The following WWOX variants were observed in gnomAD, a reference collection of about 807,000 sequenced individuals.
WWOX encodes the protein WW domain-containing oxidoreductase.
A neutral mutation model predicts 46.2 loss-of-function variants in WWOX; 69 were observed. The ratio of observed to expected loss-of-function variants is 1.49; its 90% CI spans 1.23 to 1.82. The LOEUF is 1.82. Ranked by LOEUF, WWOX falls within the 40% of genes most tolerant of loss-of-function variation. The pLI is 0.00. For missense variants in WWOX, 919 were observed against 542.6 expected, an observed-to-expected ratio of 1.69 and a Z score of -6.89; for synonymous variants, 359 against 202.6, an observed-to-expected ratio of 1.77 and a Z score of -6.56.
intron 8 of WWOX, among the ~76,000 whole-genome samples, chr16:78,791,697 A>T (rs1347918158): frequency 6.6e-6 from 1 of 152,024 alleles, no homozygotes; most frequent in African/African-American, 2.4e-5. Context: ...GGCCAACATG[A>T]TGAAACCCCG....
chr16:79,018,507 G>A lies in WWOX; in HGVS notation c.1057-193101G>A, dbSNP rs191689445. On this transcript the variant is annotated intron_variant, in intron 8 of 8. Transcript: ENST00000566780. ...TGTCTACACAGACCCAAGAGGAGAA[G>A]GGATTTGACAATGGTCTGATTAATT... Among the ~76,000 whole-genome samples the A allele has an allele frequency of 4.3e-3, 661 of 152,268 alleles. 3 individuals carry two copies. The highest frequency in any genetic ancestry group is 0.016 in the African/African-American group (647 of 41,568).
At chr16:78,876,511 C>T (rs2044237312) in intron 8 of WWOX, among the ~76,000 whole-genome samples, 1 of 150,648 alleles carries the variant, frequency 6.6e-6, no homozygotes. Context: ...GTAAGATCTG[C>T]TGTCTTGTGA....
At position 78,164,273 on chromosome 16, in the gene WWOX, G is replaced by T; in HGVS notation, c.500G>T (p.Arg167Leu). 6.2e-7 allele frequency: 1 copy of T among 1,613,948 alleles called. No homozygotes were observed. Among genetic ancestry groups the T allele is most frequent in the Non-Finnish European group, 8.5e-7 (1 of 1,179,922 alleles). The stretch of plus-strand genomic sequence containing the variant: ...GCAAGGGCGAGTGAAGCAGTGTCAC[G>T]CATTTTAGAAGAATGGGTAAGTGCT... ...NMARASEAVS[R>L]ILEEWHKAKV... Residue 167 changes from arginine (R) to leucine (L), a missense_variant, in exon 5 of 9, where the codon CGC becomes CTC. Coordinates refer to ENST00000566780, the MANE Select transcript of WWOX (RefSeq NM_016373.4).
intron 8 of WWOX, among the ~76,000 whole-genome samples, chr16:78,735,843 T>C (rs1279130206): frequency 1.7e-5 from 2 of 114,458 alleles, no homozygotes; most frequent in East Asian, 3.9e-4. Context: ...GCTCCACACC[T>C]TTCTGCTCTC....
chr16:78,307,474 G>T (rs1250287550), intron 5 of WWOX, among the ~76,000 whole-genome samples: 1 of 152,166 alleles, frequency 6.6e-6, no homozygotes, highest in East Asian at 1.9e-4. Context: ...GAGGAAACAG[G>T]GAGAAGAGGT....
chr16:78,493,567 A>G (rs2151464708), intron 8 of WWOX, among the ~76,000 whole-genome samples: 2 of 152,320 alleles, frequency 1.3e-5, no homozygotes, highest in South Asian at 4.1e-4. Flanking sequence ...GTTTAAGGAG[A>G]ATTATTCTTT....
At chr16:79,204,867 A>C (rs1326501313) in intron 8 of WWOX, 3 of 152,184 alleles carry the variant, frequency 2.0e-5, no homozygotes, top group Non-Finnish European at 2.9e-5. Flanking sequence ...CGTTCCTGCA[A>C]ATATTTCACA....
chr16:79,045,931 A>C (rs1478242839), intron 8 of WWOX, among the ~76,000 whole-genome samples: 1 of 151,106 alleles, frequency 6.6e-6, no homozygotes, highest in Non-Finnish European at 1.5e-5. Context: ...CCTCCCAAGT[A>C]GCTGGGACTA....
At chr16:79,173,299 C>T (rs28710308) in intron 8 of WWOX, among the ~76,000 whole-genome samples, 1 of 152,094 alleles carries the variant, frequency 6.6e-6, no homozygotes, top group African/African-American at 2.4e-5. Flanking sequence ...GTGCCATGTG[C>T]CATGTGCCAT....
At chr16:78,376,938 T>A (rs1176060929) in intron 5 of WWOX, among the ~76,000 whole-genome samples, 1 of 152,192 alleles carries the variant, frequency 6.6e-6, no homozygotes, top group East Asian at 1.9e-4. Flanking sequence ...CAGACAAATC[T>A]TGTTTTTGTC....
At chr16:78,560,779 A>G (rs2044417208) in intron 8 of WWOX, among the ~76,000 whole-genome samples, 1 of 152,214 alleles carries the variant, frequency 6.6e-6, no homozygotes, top group Non-Finnish European at 1.5e-5. Context: ...TATACTCTGA[A>G]GGCATGGTCA....
chr16:78,179,449 G>T (rs1238644866), intron 5 of WWOX, among the ~76,000 whole-genome samples: 5 of 152,154 alleles, frequency 3.3e-5, no homozygotes. Flanking sequence ...GAGGCCCACA[G>T]AAGGTAACTT....
At chr16:78,107,238 T>C (rs1190397796) in intron 1 of WWOX, among the ~76,000 whole-genome samples, 2 of 152,222 alleles carry the variant, frequency 1.3e-5, no homozygotes, top group Non-Finnish European at 2.9e-5. Flanking sequence ...TGTTTCCCTT[T>C]TGAAATAATT....
At chr16:78,365,622 T>C (rs1474584668) in intron 5 of WWOX, among the ~76,000 whole-genome samples, 1 of 152,230 alleles carries the variant, frequency 6.6e-6, no homozygotes, top group Non-Finnish European at 1.5e-5. Flanking sequence ...ATGAAGTGGC[T>C]CTATAGACTG....
Position 79,127,556 on chromosome 16 carries a change from T to A in WWOX, c.1057-84052T>A, listed in dbSNP as rs540588547. On this transcript the variant is annotated intron_variant, in intron 8 of 8. Transcript: ENST00000566780. ...GTTCCCAGCCTTTTGCTATTGCAAATTGTGCCGCAACGTGTAACCTTGCAC... is the reference window on the plus strand; with the variant it reads ...GTTCCCAGCCTTTTGCTATTGCAAAATGTGCCGCAACGTGTAACCTTGCAC... Among the ~76,000 whole-genome samples the A allele has an allele frequency of 2.6e-5, 4 of 152,334 alleles. No homozygotes were observed. The South Asian group carries it at 8.3e-4, about 32-fold the overall frequency.
intron 8 of WWOX, among the ~76,000 whole-genome samples, chr16:79,042,212 T>C (rs1257880174): frequency 6.6e-6 from 1 of 151,976 alleles, no homozygotes; most frequent in Non-Finnish European, 1.5e-5. Flanking sequence ...GGAAACTCTG[T>C]CCATGAACTC....
At chr16:78,593,509 G>A (rs145108898) in intron 8 of WWOX, among the ~76,000 whole-genome samples, 2 of 152,296 alleles carry the variant, frequency 1.3e-5, no homozygotes, top group African/African-American at 4.8e-5. Context: ...CATGACCCAG[G>A]TCAGACCAGT....
chr16:78,423,917 A>G (rs1343796450), intron 6 of WWOX, among the ~76,000 whole-genome samples: 1 of 151,580 alleles, frequency 6.6e-6, no homozygotes, highest in African/African-American at 2.4e-5. Flanking sequence ...ACCTATCTTT[A>G]GGCTTCTTTA....
intron 8 of WWOX, among the ~76,000 whole-genome samples, chr16:78,886,699 A>T (rs929293492): frequency 6.6e-6 from 1 of 150,994 alleles, no homozygotes; most frequent in African/African-American, 2.4e-5. Flanking sequence ...GTAAATGAAA[A>T]GAAAAACATA....
Sources: allele counts gnomAD v4.1 joint callset (sites outside exome capture counted in the v4.1 genomes callset), GRCh38; gene constraint gnomAD v4.1.1; transcripts MANE v1.5; gene names NCBI Gene and HGNC (gene_info 2026-07-23, HGNC 2026-07-21).